The following PCDHGB6 variants were observed in gnomAD, a reference collection of about 807,000 sequenced individuals.
The protein encoded by PCDHGB6 is protocadherin gamma subfamily B, 6.
A neutral mutation model predicts 59.1 loss-of-function variants in PCDHGB6; 51 were observed. The ratio of observed to expected loss-of-function variants is 0.86; its 90% CI spans 0.69 to 1.09. PCDHGB6 has a LOEUF of 1.09. PCDHGB6 is among the 50% of genes least tolerant of loss of function. The pLI, the probability that PCDHGB6 is intolerant of heterozygous loss-of-function variation, is 0.00. For missense variants in PCDHGB6, 1,148 were observed against 1,205.1 expected (o/e 0.95, Z 0.70); for synonymous variants, 466 against 495.1 (o/e 0.94, Z 0.78).
At chr5:141,470,388 T>C (rs1234907080) in intron 1 of PCDHGB6, among the ~76,000 whole-genome samples, 4 of 152,198 alleles carry the variant, frequency 2.6e-5, no homozygotes, top group African/African-American at 9.6e-5. Flanking sequence ...TACTCGATGA[T>C]ATTTAGGATT....
intron 1 of PCDHGB6, chr5:141,415,164 G>A: frequency 1.9e-6 from 3 of 1,613,838 alleles, no homozygotes; most frequent in African/African-American, 2.7e-5. Flanking sequence ...CCACTGTCAC[G>A]CTCACCGTGG....
In PCDHGB6 at chr5:141,486,657, T is replaced by G. The variant is rs1171065175; in HGVS notation, c.2419-8150T>G. On this transcript the variant is annotated intron_variant, in intron 1 of 3. Transcript: ENST00000520790. The surrounding 1 kb of genome is among the most constrained non-coding windows in gnomAD (Gnocchi z 5.0). ...AATGCGCTTATCTCCTACTCACTCC[T>G]GGAGCCCAGGAATCGAGATGTATCA... 3 of 1,614,010 alleles carry G rather than the reference T, an allele frequency of 1.9e-6. No homozygotes were observed. Among genetic ancestry groups the G allele is most frequent in the Non-Finnish European group, 2.5e-6 (3 of 1,180,030 alleles).
Position 141,489,252 on chromosome 5 carries a change from G to A in PCDHGB6, c.2419-5555G>A. 2 of 1,547,622 alleles carry A rather than the reference G, an allele frequency of 1.3e-6. No individual in the cohort carries two copies. Among genetic ancestry groups the A allele is most frequent in the Non-Finnish European group, 1.7e-6 (2 of 1,147,198 alleles). On this transcript the variant is annotated intron_variant, in intron 1 of 3. Coordinates refer to ENST00000520790, the MANE Select transcript of PCDHGB6 (RefSeq NM_018926.3). The surrounding 1 kb of genome is among the most constrained non-coding windows in gnomAD (Gnocchi z 4.5). ...GGGACTTCTGGGTCATGGGGCCCAAGACACTCCCACAGCTCGCTGGGAAAT... is the reference window on the plus strand; with the variant it reads ...GGGACTTCTGGGTCATGGGGCCCAAAACACTCCCACAGCTCGCTGGGAAAT...
chr5:141,421,833 C>T (rs1364245594), intron 1 of PCDHGB6: 6 of 1,613,756 alleles, frequency 3.7e-6, no homozygotes, highest in Non-Finnish European at 4.2e-6. Flanking sequence ...GAAGCCTGGA[C>T]CGAGAGAAAG....
intron 1 of PCDHGB6, chr5:141,422,569 G>A (rs1219842498): frequency 6.2e-7 from 1 of 1,613,984 alleles, no homozygotes; most frequent in Admixed American, 1.7e-5. Context: ...AGATGACAAC[G>A]ATAACCCTCC....
rs749499883 is a variant in PCDHGB6 at position 141,486,382 on chromosome 5, C to T, written c.2419-8425C>T. ...TTGCCCTCAAGTCTGCCTTCAGGAA[C>T]CAGTTCTCCCTGGTGACTGCTGGAC... is the stretch of plus-strand genomic sequence containing the variant. On this transcript the variant is annotated intron_variant, in intron 1 of 3. Transcript: ENST00000520790. The surrounding 1 kb of genome is among the most constrained non-coding windows in gnomAD (Gnocchi z 5.0). 25 of 1,613,986 alleles carry T rather than the reference C, an allele frequency of 1.5e-5. No homozygotes were observed. The highest frequency in any genetic ancestry group is 1.9e-5 in the Non-Finnish European group (23 of 1,179,998).
At position 141,471,055 on chromosome 5, in the gene PCDHGB6, T is replaced by C. The variant is rs1229791864; in HGVS notation, c.2419-23752T>C. Reference sequence around the variant, plus strand: ...AACAAGCCCAAGCCCTCTTTTTTTTTTTTTTTTTTTTGAGACAGGGTCTCC... The same window carrying C: ...AACAAGCCCAAGCCCTCTTTTTTTTCTTTTTTTTTTTGAGACAGGGTCTCC... On this transcript the variant is annotated intron_variant, in intron 1 of 3. Coordinates refer to ENST00000520790, the MANE Select transcript of PCDHGB6 (RefSeq NM_018926.3). Among the ~76,000 whole-genome samples the C allele has an allele frequency of 1.7e-4, 25 of 148,764 alleles. 2 individuals are homozygous for C. The Admixed American group carries it at 1.7e-3, about 10-fold the overall frequency.
chr5:141,423,503 C>T (rs1225012888), intron 1 of PCDHGB6: 2 of 1,613,984 alleles, frequency 1.2e-6, no homozygotes, highest in South Asian at 2.2e-5. Context: ...CACGAGGTCT[C>T]TCTCATTGCG....
chr5:141,423,848 G>C (rs1353181066), intron 1 of PCDHGB6: 1 of 1,277,462 alleles, frequency 7.8e-7, no homozygotes, highest in Non-Finnish European at 9.9e-7. Flanking sequence ...TAATCTTTCA[G>C]AACGTTTTTG....
chr5:141,430,383 G>GAAA (rs139772145), intron 1 of PCDHGB6, among the ~76,000 whole-genome samples: 2 of 138,566 alleles, frequency 1.4e-5, no homozygotes, highest in South Asian at 4.6e-4. Flanking sequence ...AGCTCATTGG[G>GAAA]AAAAAAAAAA....
intron 1 of PCDHGB6, among the ~76,000 whole-genome samples, chr5:141,459,660 T>C (rs73280323): frequency 7.9e-4 from 120 of 152,386 alleles, no homozygotes; most frequent in African/African-American, 2.7e-3. Flanking sequence ...AATATCACTT[T>C]ACATTTTCAT....
chr5:141,410,714 T>C (rs1561730445), intron 1 of PCDHGB6, 94 bp downstream of exon 1: 7 of 1,434,512 alleles, frequency 4.9e-6, no homozygotes, highest in Middle Eastern at 1.8e-4. Flanking sequence ...TAGAATCATA[T>C]GTTTAAAATC....
Position 141,490,318 on chromosome 5 carries a change from C to T in PCDHGB6, c.2419-4489C>T. ...ATTGGCCTCTTTGGCCAACCCTGTCCTAGAGAGCACACCAGTGGGCACAGT... is the reference window on the plus strand; with the variant it reads ...ATTGGCCTCTTTGGCCAACCCTGTCTTAGAGAGCACACCAGTGGGCACAGT... On this transcript the variant is annotated intron_variant, in intron 1 of 3. Transcript: ENST00000520790. The surrounding 1 kb of genome is among the most constrained non-coding windows in gnomAD (Gnocchi z 5.4). 1 of 1,614,220 alleles carries T rather than the reference C, an allele frequency of 6.2e-7. No homozygotes were observed.
At position 141,477,868 on chromosome 5, in the gene PCDHGB6, C is replaced by G; in HGVS notation, c.2419-16939C>G. Reference sequence around the variant, plus strand: ...CGGTGGAGATGCTGCCTCGAGGTACCTCAGCTGGCCACCTAGTGTCACGGG... The same window carrying G: ...CGGTGGAGATGCTGCCTCGAGGTACGTCAGCTGGCCACCTAGTGTCACGGG... On this transcript the variant is annotated intron_variant, in intron 1 of 3. Coordinates refer to ENST00000520790, the MANE Select transcript of PCDHGB6 (RefSeq NM_018926.3). The surrounding 1 kb of genome is among the most constrained non-coding windows in gnomAD (Gnocchi z 4.9). 1 of 1,613,750 alleles carries G rather than the reference C, an allele frequency of 6.2e-7. No individual in the cohort carries two copies. Among genetic ancestry groups the G allele is most frequent in the Non-Finnish European group, 8.5e-7 (1 of 1,179,908 alleles).
At chr5:141,466,574 T>C (rs978880367) in intron 1 of PCDHGB6, among the ~76,000 whole-genome samples, 5 of 152,218 alleles carry the variant, frequency 3.3e-5, no homozygotes, top group Non-Finnish European at 5.9e-5. Flanking sequence ...CAACATTGTC[T>C]CATCCCTTCT....
chr5:141,419,115 A>G (rs1159582360), intron 1 of PCDHGB6: 1 of 1,613,872 alleles, frequency 6.2e-7, no homozygotes, highest in Non-Finnish European at 8.5e-7. Flanking sequence ...CCAGAGTACA[A>G]CGTCACCATC....
At chr5:141,428,064 G>C in intron 1 of PCDHGB6, 1 of 1,609,060 alleles carries the variant, frequency 6.2e-7, no homozygotes, top group East Asian at 2.2e-5. Flanking sequence ...GGCGGTGGAC[G>C]CAGATTCGGG....
At chr5:141,413,622 T>C (rs1561743710) in intron 1 of PCDHGB6, 2 of 1,613,760 alleles carry the variant, frequency 1.2e-6, no homozygotes, top group Non-Finnish European at 1.7e-6. Flanking sequence ...TTAATGAAAA[T>C]GTCGCTGCGG....
intron 1 of PCDHGB6, among the ~76,000 whole-genome samples, chr5:141,459,619 A>G (rs995987344): frequency 6.6e-6 from 1 of 152,238 alleles, no homozygotes; most frequent in Non-Finnish European, 1.5e-5. Context: ...TTAACTTTAT[A>G]AGAAGCTGCC....
Sources: gnomAD v4.1 joint callset for allele counts (sites outside exome capture counted in the v4.1 genomes callset) on GRCh38, gnomAD v4.1.1 for gene constraint, Gnocchi (gnomAD v3.1) non-coding constraint, MANE v1.5 for transcripts, NCBI Gene and HGNC (gene_info 2026-07-23, HGNC 2026-07-21) for gene names.